The following PLXNC1 variants were observed in gnomAD, a reference collection of about 807,000 sequenced individuals.
PLXNC1 encodes plexin C1.
PLXNC1 carries 75 observed loss-of-function variants against 178.2 expected under a neutral mutation model. The observed-to-expected ratio is 0.42, with a 90% confidence interval of 0.35 to 0.51. The LOEUF is 0.51. PLXNC1 is among the 20% of genes least tolerant of loss of function. The pLI is 0.02. For synonymous variants in PLXNC1, 790 were observed against 779.9 expected, an observed-to-expected ratio of 1.01 and a Z score of -0.22; for missense variants, 1,503 against 1,984.4, an observed-to-expected ratio of 0.76 and a Z score of 4.61.
At chr12:94,247,772 T>C in intron 12 of PLXNC1, 131 bp from the exon 13 acceptor site, 1 of 752,284 alleles carries the variant, frequency 1.3e-6, no homozygotes, top group Non-Finnish European at 2.2e-6. Context: ...GAGGTAGTTT[T>C]GCTGTCTCCA....
intron 19 of PLXNC1, 44 bp downstream of exon 19, chr12:94,259,778 A>G (rs1289945132): frequency 6.5e-7 from 1 of 1,546,540 alleles, no homozygotes; most frequent in Admixed American, 2.0e-5. Flanking sequence ...TTAAGAAAAA[A>G]TCAGGCCGGG....
intron 14 of PLXNC1, among the ~76,000 whole-genome samples, chr12:94,248,633 A>G (rs976419675): frequency 6.6e-6 from 1 of 152,244 alleles, no homozygotes; most frequent in Non-Finnish European, 1.5e-5. Flanking sequence ...TGGACACACC[A>G]TTGTCTATAA....
At chr12:94,167,866 A>G (rs903807227) in intron 1 of PLXNC1, 1 of 152,266 alleles carries the variant, frequency 6.6e-6, no homozygotes, top group South Asian at 2.1e-4. Flanking sequence ...AAAAGTGATC[A>G]GGGCATTGGA....
At chr12:94,192,333 A>G (rs1440336426) in intron 4 of PLXNC1, among the ~76,000 whole-genome samples, 1 of 151,928 alleles carries the variant, frequency 6.6e-6, no homozygotes, top group Non-Finnish European at 1.5e-5. Context: ...CCAATCACAA[A>G]TATTTTTTAA....
At chr12:94,194,559 G>T (rs577614774) in intron 4 of PLXNC1, among the ~76,000 whole-genome samples, 1 of 152,316 alleles carries the variant, frequency 6.6e-6, no homozygotes, top group East Asian at 1.9e-4. Context: ...TTCAAGACCA[G>T]CCTGGGCAAC....
At chr12:94,229,665 C>T (rs1004905013) in intron 9 of PLXNC1, among the ~76,000 whole-genome samples, 3 of 152,146 alleles carry the variant, frequency 2.0e-5, no homozygotes, top group Admixed American at 2.0e-4. Context: ...TCCTTTCCCC[C>T]ATTGAATGGT....
At chr12:94,296,332 T>C (rs1305450423) in intron 24 of PLXNC1, among the ~76,000 whole-genome samples, 2 of 152,182 alleles carry the variant, frequency 1.3e-5, no homozygotes, top group African/African-American at 4.8e-5. Context: ...AGATACTCTT[T>C]AAAATTTTTT....
At chr12:94,181,399 A>T in intron 2 of PLXNC1, 47 bp from the exon 3 acceptor site, 1 of 1,307,200 alleles carries the variant, frequency 7.6e-7, no homozygotes, top group South Asian at 1.3e-5. Flanking sequence ...AAAAAAAAAA[A>T]AGTATTAAAT....
chr12:94,185,694 G>A (rs1962482361), intron 3 of PLXNC1, among the ~76,000 whole-genome samples: 2 of 152,238 alleles, frequency 1.3e-5, no homozygotes, highest in Admixed American at 1.3e-4. Context: ...CAGGAGCTGA[G>A]GTGACGGCGC....
chr12:94,197,693 G>T (rs1186117745), intron 4 of PLXNC1, among the ~76,000 whole-genome samples: 1 of 152,150 alleles, frequency 6.6e-6, no homozygotes, highest in African/African-American at 2.4e-5. Flanking sequence ...TTAGGACCTG[G>T]ACATCTTTGG....
chr12:94,216,996 A>G (rs1354622344), intron 5 of PLXNC1, among the ~76,000 whole-genome samples: 1 of 152,124 alleles, frequency 6.6e-6, no homozygotes, highest in Non-Finnish European at 1.5e-5. Context: ...CAAGTTACGC[A>G]AAAATACCTT....
intron 4 of PLXNC1, among the ~76,000 whole-genome samples, chr12:94,202,451 G>A (rs534079324): frequency 6.6e-6 from 1 of 152,356 alleles, no homozygotes; most frequent in East Asian, 1.9e-4. Context: ...TGTAGCTGGA[G>A]AGACAGGCAG....
intron 9 of PLXNC1, among the ~76,000 whole-genome samples, chr12:94,232,492 C>T (rs914863266): frequency 3.3e-5 from 5 of 152,128 alleles, no homozygotes; most frequent in African/African-American, 1.2e-4. Flanking sequence ...TCACATATAC[C>T]TTGCTGAGTA....
At chr12:94,207,497 A>G (rs1377152526) in intron 4 of PLXNC1, among the ~76,000 whole-genome samples, 4 of 152,202 alleles carry the variant, frequency 2.6e-5, no homozygotes, top group Non-Finnish European at 5.9e-5. Context: ...GAAAAGACCT[A>G]TAGAGATTTC....
In PLXNC1 at chr12:94,259,748, C is replaced by T. The variant is rs117237612; in HGVS notation, c.3251+14C>T. On this transcript the variant is annotated intron_variant, in intron 19 of 30. Transcript: ENST00000258526. ...TGTGAAGGACAGGTATTAGTCCATT[C>T]TTTGATGTTTTAAAAGCCTTTAAGA... is the stretch of plus-strand genomic sequence containing the variant. The T allele has an allele frequency of 1.3e-6, 2 of 1,587,834 alleles. No individual in the cohort carries two copies. Among genetic ancestry groups the T allele is most frequent in the Admixed American group, 1.9e-5 (1 of 53,534 alleles).
intron 23 of PLXNC1, among the ~76,000 whole-genome samples, chr12:94,294,036 C>A (rs1274471408): frequency 6.6e-6 from 1 of 151,864 alleles, no homozygotes; most frequent in Non-Finnish European, 1.5e-5. Flanking sequence ...AGGATTTAAA[C>A]ATAGGAATCT....
chr12:94,286,936 T>G (rs182129826), intron 23 of PLXNC1, among the ~76,000 whole-genome samples: 14 of 152,316 alleles, frequency 9.2e-5, no homozygotes, highest in African/African-American at 3.4e-4. Flanking sequence ...TCTCATGGAC[T>G]AGATGCAGCC....
At chr12:94,178,518 G>C (rs1962186011) in intron 2 of PLXNC1, among the ~76,000 whole-genome samples, 1 of 152,176 alleles carries the variant, frequency 6.6e-6, no homozygotes, top group Non-Finnish European at 1.5e-5. Flanking sequence ...TCCAGAACCA[G>C]ATCAACTGAA....
At chr12:94,153,433 C>T (rs890338101) in intron 1 of PLXNC1, among the ~76,000 whole-genome samples, 6 of 152,214 alleles carry the variant, frequency 3.9e-5, no homozygotes, top group African/African-American at 1.2e-4. Flanking sequence ...TTATAACACA[C>T]CTGTGCTTGG....
Sources: allele counts gnomAD v4.1 joint callset (sites outside exome capture counted in the v4.1 genomes callset), GRCh38; gene constraint gnomAD v4.1.1; transcripts MANE v1.5; gene names NCBI Gene and HGNC (gene_info 2026-07-23, HGNC 2026-07-21).